ITGAV: variants seen among roughly 807,000 people sequenced by gnomAD.
ITGAV encodes integrin alpha-V.
In ITGAV, 76 loss-of-function variants were observed where a neutral mutation model predicts 143.8. The observed-to-expected ratio is 0.53, with a 90% CI of 0.44 to 0.64. The LOEUF is 0.64. Among genes scored for constraint, ITGAV ranks in the 30% least tolerant of loss-of-function variants. ITGAV has a pLI of 0.00. For missense variants in ITGAV, 1,193 were observed against 1,274.7 expected (o/e 0.94, Z 0.98); for synonymous variants, 453 against 446.7 (o/e 1.01, Z -0.18).
Position 186,669,652 on chromosome 2 carries a change from A to C in ITGAV, c.2593-49A>C, listed in dbSNP as rs779378673. ...GTTTATATCAAAATGCTGATGTAAAATGTTTTTCATTATCATTTACCACCA... is the reference window on the plus strand; with the variant it reads ...GTTTATATCAAAATGCTGATGTAAACTGTTTTTCATTATCATTTACCACCA... On this transcript the variant is annotated intron_variant, in intron 25 of 29. Coordinates refer to ENST00000261023, the MANE Select transcript of ITGAV (RefSeq NM_002210.5). 5 of 1,285,212 alleles carry C rather than the reference A, an allele frequency of 3.9e-6. No homozygotes were observed. In the East Asian group the frequency reaches 1.2e-4, roughly 30 times the overall value. The allele number at this position is 1,285,212 out of a possible 1,614,324, so 79.6% of individuals were successfully genotyped here.
chr2:186,598,630 G>C (rs1399511382), intron 1 of ITGAV, among the ~76,000 whole-genome samples: 1 of 151,934 alleles, frequency 6.6e-6, no homozygotes, highest in Admixed American at 6.6e-5. Flanking sequence ...TAGAGATGGG[G>C]TTTTGCCATG....
chr2:186,600,181 G>A (rs1574459273), intron 1 of ITGAV: 2 of 648,584 alleles, frequency 3.1e-6, no homozygotes, highest in South Asian at 2.3e-5. Context: ...CTCCCGGCTT[G>A]TCCCCTCCTT....
chr2:186,652,969 C>T (rs1285351400), intron 15 of ITGAV, among the ~76,000 whole-genome samples: 4 of 120,308 alleles, frequency 3.3e-5, no homozygotes, highest in East Asian at 2.6e-4. Context: ...GACGGAGTCT[C>T]GCTCTGTCGC....
At chr2:186,673,277 A>G (rs1042179049) in intron 26 of ITGAV, among the ~76,000 whole-genome samples, 1 of 152,226 alleles carries the variant, frequency 6.6e-6, no homozygotes, top group African/African-American at 2.4e-5. Flanking sequence ...GTTGACCTAT[A>G]TGTATATCCT....
chr2:186,658,888 C>A, intron 17 of ITGAV, 150 bp from the exon 18 acceptor site: 1 of 542,312 alleles, frequency 1.8e-6, no homozygotes, highest in Non-Finnish European at 3.1e-6. Flanking sequence ...TTTGGATATT[C>A]TATTTCTACA....
At chr2:186,653,590 T>G (rs974164909) in intron 15 of ITGAV, among the ~76,000 whole-genome samples, 4 of 152,242 alleles carry the variant, frequency 2.6e-5, no homozygotes, top group African/African-American at 9.6e-5. Flanking sequence ...GGATTACATT[T>G]AAAAATTCAG....
chr2:186,624,510 A>G (rs575582628), intron 3 of ITGAV, among the ~76,000 whole-genome samples: 19 of 152,312 alleles, frequency 1.2e-4, no homozygotes, highest in Admixed American at 8.5e-4. Context: ...AAGTACGTGT[A>G]GAGAAGTAGC....
At chr2:186,615,523 A>G (rs1001347973) in intron 2 of ITGAV, among the ~76,000 whole-genome samples, 7 of 152,096 alleles carry the variant, frequency 4.6e-5, no homozygotes, top group Non-Finnish European at 1.0e-4. Context: ...GCCATATTTT[A>G]TTGTGGTTTT....
chr2:186,646,163 G>A (rs568705359), intron 12 of ITGAV, among the ~76,000 whole-genome samples: 1 of 152,140 alleles, frequency 6.6e-6, no homozygotes, highest in African/African-American at 2.4e-5. Flanking sequence ...TTCTTTCAGT[G>A]TAAGTTGAGC....
intron 11 of ITGAV, 34 bp downstream of exon 11, chr2:186,641,001 T>C (rs1167603304): frequency 2.0e-6 from 3 of 1,473,254 alleles, no homozygotes; most frequent in South Asian, 2.4e-5. Context: ...CAGAAAGTTA[T>C]CTTCTCATGT....
Position 186,633,696 on chromosome 2 carries a change from T to C in ITGAV, c.631+322T>C, listed in dbSNP as rs374088180. Among the ~76,000 whole-genome samples, 6 of 152,168 alleles carry C rather than the reference T, an allele frequency of 3.9e-5. No homozygotes were observed. The East Asian group carries it at 7.7e-4, about 20-fold the overall frequency. On this transcript the variant is annotated intron_variant, in intron 6 of 29. Transcript: ENST00000261023. ...TATATACTTCTCCATGTCTGTACTC[T>C]AGGGGCCATGACATAGTCATTAGGC...
intron 15 of ITGAV, among the ~76,000 whole-genome samples, chr2:186,652,952 T>C (rs1688477786): frequency 6.9e-6 from 1 of 144,136 alleles, no homozygotes; most frequent in African/African-American, 2.6e-5. Context: ...TTTTTTTTTT[T>C]TTTTGAGACG....
At chr2:186,663,067 T>A (rs1688791356) in intron 18 of ITGAV, among the ~76,000 whole-genome samples, 1 of 152,188 alleles carries the variant, frequency 6.6e-6, no homozygotes, top group Admixed American at 6.5e-5. Flanking sequence ...ACTGTTTCTC[T>A]CTTTTGGGTG....
chr2:186,667,321 CTGCA>C, intron 23 of ITGAV, 91 bp downstream of exon 23: 1 of 927,190 alleles, frequency 1.1e-6, no homozygotes, highest in Non-Finnish European at 1.7e-6. Flanking sequence ...ACAATAGACC[CTGCA>C]TGTTTAGTGG....
At chr2:186,642,535 C>CTTTTTTTTTTTTTTTTTTTT (rs35034170) in intron 12 of ITGAV, among the ~76,000 whole-genome samples, 1 of 113,188 alleles carries the variant, frequency 8.8e-6, no homozygotes, top group Non-Finnish European at 1.8e-5. Context: ...TCTTTTTTTT[C>CTTTTTTTTTTTTTTTTTTTT]TTTTTTTTTT....
At chr2:186,594,351 A>G (rs915412873) in intron 1 of ITGAV, among the ~76,000 whole-genome samples, 38 of 151,736 alleles carry the variant, frequency 2.5e-4, no homozygotes, top group African/African-American at 8.7e-4. Flanking sequence ...CTCATGTTCT[A>G]TTTTTCTGTG....
chr2:186,672,653 G>T (rs547083146), intron 26 of ITGAV, among the ~76,000 whole-genome samples: 1 of 152,322 alleles, frequency 6.6e-6, no homozygotes, highest in South Asian at 2.1e-4. Flanking sequence ...GTAACTCATT[G>T]TGGTTTTGAT....
Position 186,638,483 on chromosome 2 carries a change from G to T in ITGAV, c.903+18G>T. The T allele has an allele frequency of 6.3e-7, 1 of 1,597,524 alleles. No homozygotes were observed. The highest frequency in any genetic ancestry group is 2.2e-5 in the East Asian group (1 of 44,792). Reference sequence around the variant, plus strand: ...GCGAGCAGGTATGCTTCCAAAATATGATCGTCCTCTCCCACTATAAAAGCA... The same window carrying T: ...GCGAGCAGGTATGCTTCCAAAATATTATCGTCCTCTCCCACTATAAAAGCA... On this transcript the variant is annotated intron_variant, in intron 10 of 29. Transcript: ENST00000261023.
At chr2:186,592,882 A>C (rs1474496180) in intron 1 of ITGAV, among the ~76,000 whole-genome samples, 6 of 152,108 alleles carry the variant, frequency 3.9e-5, no homozygotes. Context: ...TTTTCTTTTT[A>C]AACAAAACGT....
Sources: gnomAD v4.1 joint callset for allele counts (sites outside exome capture counted in the v4.1 genomes callset) on GRCh38, gnomAD v4.1.1 for gene constraint, MANE v1.5 for transcripts, NCBI Gene and HGNC (gene_info 2026-07-23, HGNC 2026-07-21) for gene names.